Variants in GSTCD observed in about 807,000 individuals in gnomAD.
GSTCD encodes glutathione S-transferase C-terminal domain-containing protein.
Under a neutral mutation model 68.3 loss-of-function variants are expected in GSTCD, and 44 were observed. That is an observed-to-expected ratio of 0.64 (90% confidence interval 0.51 to 0.83). The LOEUF (loss-of-function observed/expected upper bound fraction) is 0.83. GSTCD is among the 40% of genes least tolerant of loss of function. The pLI is 0.00. For synonymous variants in GSTCD, 273 were observed against 255.2 expected (o/e 1.07, Z -0.67); for missense variants, 739 against 735.9 (o/e 1.00, Z -0.05).
chr4:105,834,909 T>G (rs920474255), intron 9 of GSTCD, among the ~76,000 whole-genome samples: 1 of 152,208 alleles, frequency 6.6e-6, no homozygotes, highest in Non-Finnish European at 1.5e-5. Context: ...ATAATGTCTA[T>G]GAGAGGCAGT....
chr4:105,815,892 A>C (rs890059239), intron 5 of GSTCD, among the ~76,000 whole-genome samples: 2 of 152,228 alleles, frequency 1.3e-5, no homozygotes, highest in African/African-American at 4.8e-5. Context: ...ACAAAAACCC[A>C]AAATGCCAGA....
chr4:105,724,738 G>T (rs1005020624), intron 3 of GSTCD, among the ~76,000 whole-genome samples: 1 of 151,942 alleles, frequency 6.6e-6, no homozygotes, highest in Non-Finnish European at 1.5e-5. Context: ...ATCAATGATT[G>T]CAGACTACAG....
At chr4:105,771,711 T>A (rs1734855300) in intron 5 of GSTCD, among the ~76,000 whole-genome samples, 1 of 152,168 alleles carries the variant, frequency 6.6e-6, no homozygotes, top group African/African-American at 2.4e-5. Flanking sequence ...AGGCCTCTGT[T>A]CTGTTCCATT....
intron 5 of GSTCD, among the ~76,000 whole-genome samples, chr4:105,766,885 C>CTTTTTTTTTTTTTTT (rs1491149179): frequency 8.7e-5 from 2 of 23,040 alleles, no homozygotes; most frequent in African/African-American, 3.5e-4. Context: ...AGGTTTTTGA[C>CTTTTTTTTTTTTTTT]TCTTTTTTTT....
chr4:105,730,499 A>T (rs1465077539), intron 5 of GSTCD, among the ~76,000 whole-genome samples: 1 of 152,168 alleles, frequency 6.6e-6, no homozygotes, highest in Admixed American at 6.5e-5. Context: ...GCCAGTGATG[A>T]TGAACATTTT....
At chr4:105,767,250 G>C (rs1734653295) in intron 5 of GSTCD, among the ~76,000 whole-genome samples, 1 of 152,132 alleles carries the variant, frequency 6.6e-6, no homozygotes, top group African/African-American at 2.4e-5. Context: ...GCAATGATTG[G>C]CTGAGACTTG....
chr4:105,793,759 A>AC (rs1398076150), intron 5 of GSTCD, among the ~76,000 whole-genome samples: 3 of 151,998 alleles, frequency 2.0e-5, no homozygotes, highest in Non-Finnish European at 4.4e-5. Context: ...GCCAGTAAAA[A>AC]AAATTAATGA....
At chr4:105,828,491 G>A (rs1479195473) in intron 8 of GSTCD, among the ~76,000 whole-genome samples, 2 of 152,150 alleles carry the variant, frequency 1.3e-5, no homozygotes, top group Non-Finnish European at 2.9e-5. Flanking sequence ...ATAGCAGATA[G>A]AGGTATTTCA....
At chr4:105,745,327 C>T (rs1186708979) in intron 5 of GSTCD, among the ~76,000 whole-genome samples, 2 of 152,098 alleles carry the variant, frequency 1.3e-5, no homozygotes, top group East Asian at 3.9e-4. Flanking sequence ...AAAATGAATT[C>T]TATGAAGAAT....
rs556234607 is a variant in GSTCD, at chr4:105,765,728, G to A, written c.1240+36229G>A. ...ATGTTGCGGGAGGGACCTTGTGGGAGGTGATTAGATCATGGGGCTGGTTCC... is the reference window on the plus strand; with the variant it reads ...ATGTTGCGGGAGGGACCTTGTGGGAAGTGATTAGATCATGGGGCTGGTTCC... On this transcript the variant is annotated intron_variant, in intron 5 of 11. Coordinates refer to ENST00000515279, the MANE Select transcript of GSTCD (RefSeq NM_001370181.1). Among the ~76,000 whole-genome samples, 186 of 152,302 alleles carry A rather than the reference G, an allele frequency of 1.2e-3. 1 individual carries two copies. Among genetic ancestry groups the A allele is most frequent in the African/African-American group, 4.2e-3 (174 of 41,566 alleles).
chr4:105,797,311 A>G (rs778306983), intron 5 of GSTCD, among the ~76,000 whole-genome samples: 4 of 151,906 alleles, frequency 2.6e-5, no homozygotes, highest in African/African-American at 4.8e-5. Flanking sequence ...AGTTGTGTTC[A>G]TATACCAGCA....
At chr4:105,729,552 G>C in intron 5 of GSTCD, 53 bp downstream of exon 5, 5 of 1,165,138 alleles carry the variant, frequency 4.3e-6, no homozygotes, top group Non-Finnish European at 6.4e-6. Context: ...ACTGTCTTCA[G>C]ATATGTCTTC....
intron 10 of GSTCD, among the ~76,000 whole-genome samples, chr4:105,840,837 G>A (rs975194745): frequency 1.6e-4 from 24 of 152,210 alleles, no homozygotes; most frequent in African/African-American, 5.8e-4. Context: ...AGGCAGAAAG[G>A]GATACACTTC....
At chr4:105,805,836 C>A (rs988598068) in intron 5 of GSTCD, among the ~76,000 whole-genome samples, 4 of 152,008 alleles carry the variant, frequency 2.6e-5, no homozygotes, top group Admixed American at 6.6e-5. Context: ...TTTCCCTCCC[C>A]CTATGTAAGC....
Position 105,845,572 on chromosome 4 carries a change from A to G in GSTCD, c.1897A>G (p.Ile633Val), listed in dbSNP as rs758690077. 1.9e-6 allele frequency: 3 copies of G among 1,614,024 alleles called. No individual in the cohort carries two copies. Among genetic ancestry groups the G allele is most frequent in the African/African-American group, 1.3e-5 (1 of 75,050 alleles). ...AAATAACATGATTGTGGGAGTCCCC[A>G]TTTAAAATGAGATATTCACATTTGA... ...PKNNMIVGVPI is the reference protein window; with the variant it reads ...PKNNMIVGVPV The change falls in exon 12 of 12, where the codon ATT (isoleucine) becomes GTT (valine). Residue 633 changes from isoleucine to valine, a missense_variant. By Grantham distance (29) the Ile-to-Val change is conservative. Transcript: ENST00000515279.
At chr4:105,772,440 T>TTC (rs1578460683) in intron 5 of GSTCD, among the ~76,000 whole-genome samples, 1 of 152,310 alleles carries the variant, frequency 6.6e-6, no homozygotes. Context: ...GTGCCAGTTT[T>TTC]CAAAGGGAAT....
chr4:105,716,261 A>T (rs545211714), intron 1 of GSTCD, among the ~76,000 whole-genome samples: 9 of 152,076 alleles, frequency 5.9e-5, no homozygotes, highest in Non-Finnish European at 1.3e-4. Flanking sequence ...GAGCGTGGGG[A>T]TTGGGGTTTG....
chr4:105,720,881 T>A (rs1732839092), intron 3 of GSTCD, among the ~76,000 whole-genome samples: 1 of 152,186 alleles, frequency 6.6e-6, no homozygotes, highest in Non-Finnish European at 1.5e-5. Context: ...GGCATATCCA[T>A]TCCTTTATTG....
At chr4:105,741,543 T>C (rs562752800) in intron 5 of GSTCD, among the ~76,000 whole-genome samples, 4 of 152,344 alleles carry the variant, frequency 2.6e-5, no homozygotes, top group African/African-American at 9.6e-5. Context: ...CAGAGTTTTC[T>C]AAATGCCACA....
Sources: gnomAD v4.1 joint callset for allele counts (sites outside exome capture counted in the v4.1 genomes callset) on GRCh38, gnomAD v4.1.1 for gene constraint, MANE v1.5 for transcripts, NCBI Gene and HGNC (gene_info 2026-07-23, HGNC 2026-07-21) for gene names.